Variants in DENND5B observed in about 807,000 individuals in gnomAD.
DENND5B encodes DENN domain containing 5B.
In DENND5B, 34 loss-of-function variants were observed where a neutral mutation model predicts 140.6. The observed-to-expected ratio is 0.24, with a 90% confidence interval of 0.18 to 0.32. The LOEUF (loss-of-function observed/expected upper bound fraction) is 0.32, where lower values mean the gene tolerates loss of function less well. Ranked by LOEUF, DENND5B falls within the 10% of genes least tolerant of loss-of-function variation. The probability of loss-of-function intolerance (pLI) is 1.00; values close to 1 mark genes in which losing one functional copy is unlikely to be tolerated. For synonymous variants in DENND5B, 551 were observed against 562.1 expected (o/e 0.98, Z 0.28); for missense variants, 1,142 against 1,560.2 (o/e 0.73, Z 4.52).
intron 1 of DENND5B, among the ~76,000 whole-genome samples, chr12:31,531,767 C>A (rs928120769): frequency 1.3e-5 from 2 of 152,180 alleles, no homozygotes; most frequent in African/African-American, 4.8e-5. Context: ...GACCCTGCAA[C>A]TTCCTTGATC....
At chr12:31,545,900 A>G (rs1180373199) in intron 1 of DENND5B, among the ~76,000 whole-genome samples, 1 of 145,958 alleles carries the variant, frequency 6.9e-6, no homozygotes, top group Non-Finnish European at 1.5e-5. Flanking sequence ...GCAGTGAGTC[A>G]GGATCACAAC....
At chr12:31,475,584 C>G (rs552513600) in intron 3 of DENND5B, among the ~76,000 whole-genome samples, 2 of 151,956 alleles carry the variant, frequency 1.3e-5, no homozygotes, top group Admixed American at 1.3e-4. Flanking sequence ...TTCATCTCCA[C>G]TAAAAATAAA....
intron 1 of DENND5B, among the ~76,000 whole-genome samples, chr12:31,576,303 A>G (rs923226282): frequency 6.6e-6 from 1 of 151,484 alleles, no homozygotes; most frequent in Non-Finnish European, 1.5e-5. Context: ...AAATACAAAA[A>G]TTAGCCAAGC....
At chr12:31,539,661 C>T (rs967878151) in intron 1 of DENND5B, among the ~76,000 whole-genome samples, 11 of 152,000 alleles carry the variant, frequency 7.2e-5, no homozygotes, top group African/African-American at 2.7e-4. Context: ...GCTTAAAAAG[C>T]ACTTGATAAC....
chr12:31,583,845 A>G (rs1950300406), intron 1 of DENND5B, among the ~76,000 whole-genome samples: 1 of 152,216 alleles, frequency 6.6e-6, no homozygotes, highest in African/African-American at 2.4e-5. Flanking sequence ...AATCTGACAC[A>G]CTGTAAGCAT....
Position 31,450,021 on chromosome 12 carries a change from G to A in DENND5B, c.1629+1919C>T, listed in dbSNP as rs1250668128. Among the ~76,000 whole-genome samples, 7 of 152,288 alleles carry A rather than the reference G, an allele frequency of 4.6e-5. No homozygotes were observed. The East Asian group carries it at 1.4e-3, about 29-fold the overall frequency. ...GTTGGGATTACAGGCGTGAGCCACT[G>A]TGCCCAGCCCACAGATTAGTTCTAA... On this transcript the variant is annotated intron_variant, in intron 5 of 20. Coordinates refer to ENST00000389082, the MANE Select transcript of DENND5B (RefSeq NM_144973.4).
chr12:31,486,999 A>T (rs1946333925), intron 2 of DENND5B, among the ~76,000 whole-genome samples: 1 of 152,210 alleles, frequency 6.6e-6, no homozygotes, highest in South Asian at 2.1e-4. Flanking sequence ...ATAACTTTAA[A>T]CATTCAAGGG....
intron 14 of DENND5B, among the ~76,000 whole-genome samples, chr12:31,404,507 G>A (rs1425909877): frequency 6.6e-6 from 1 of 152,190 alleles, no homozygotes; most frequent in African/African-American, 2.4e-5. Context: ...AGGCTGGAGT[G>A]TAGTGGCACA....
intron 1 of DENND5B, among the ~76,000 whole-genome samples, chr12:31,552,582 A>T (rs1022277377): frequency 2.6e-5 from 4 of 152,196 alleles, no homozygotes; most frequent in African/African-American, 7.2e-5. Flanking sequence ...CCTCATAAAA[A>T]GAGTTAGGGA....
At chr12:31,399,150 G>C (rs111876786) in intron 16 of DENND5B, among the ~76,000 whole-genome samples, 1 of 68,422 alleles carries the variant, frequency 1.5e-5, no homozygotes, top group Admixed American at 1.4e-4. Flanking sequence ...AAAAAAGAGA[G>C]AGAAAGAAAA....
intron 2 of DENND5B, among the ~76,000 whole-genome samples, chr12:31,492,705 T>G (rs1483369664): frequency 1.3e-5 from 2 of 152,256 alleles, no homozygotes; most frequent in Non-Finnish European, 2.9e-5. Context: ...TGCCTTTCTA[T>G]TAATTTGCTG....
In DENND5B at chr12:31,436,541, C is replaced by CT. The variant is rs979409149; in HGVS notation, c.2013-3294dup. Among the ~76,000 whole-genome samples, 276 of 151,180 alleles carry CT rather than the reference C, an allele frequency of 1.8e-3. 3 individuals are homozygous for CT. The highest frequency in any genetic ancestry group is 6.1e-3 in the African/African-American group (251 of 41,212). On this transcript the variant is annotated intron_variant, in intron 7 of 20. Transcript: ENST00000389082. The stretch of plus-strand genomic sequence containing the variant: ...TCTACTTTTAAGCTCCTGCAATTTT[C>CT]TTTTTTTTTGGAGATAGAGTTTTGC...
At chr12:31,544,235 TA>T (rs1948777508) in intron 1 of DENND5B, among the ~76,000 whole-genome samples, 1 of 149,854 alleles carries the variant, frequency 6.7e-6, no homozygotes, top group Admixed American at 6.6e-5. Context: ...TTTTAAAAGT[TA>T]ATTCATAAAA....
chr12:31,424,745 G>T, intron 9 of DENND5B, 58 bp from the exon 10 acceptor site: 1 of 1,577,448 alleles, frequency 6.3e-7, no homozygotes, highest in African/African-American at 1.4e-5. Context: ...AAACCAACAA[G>T]TCAATTACTA....
At chr12:31,589,116 T>C (rs1251533135) in intron 1 of DENND5B, among the ~76,000 whole-genome samples, 1 of 152,198 alleles carries the variant, frequency 6.6e-6, no homozygotes, top group Non-Finnish European at 1.5e-5. Context: ...TACAGGCTTT[T>C]TTCCTTTCAT....
rs1407879594 is a variant in DENND5B, at chr12:31,382,831, C to A, written c.*4772G>T. On this transcript the variant is annotated 3_prime_UTR_variant, in exon 21 of 21. Coordinates refer to ENST00000389082, the MANE Select transcript of DENND5B (RefSeq NM_144973.4). ...TTGGAGAGGAGGTTCTCCTTAGATT[C>A]TTTTGATCACACTACATCAGCAACC... 1 of 151,728 alleles carries A rather than the reference C, an allele frequency of 6.6e-6. No individual in the cohort carries two copies. Among genetic ancestry groups the A allele is most frequent in the Admixed American group, 6.6e-5 (1 of 15,214 alleles). 9.4% of individuals were successfully genotyped at this position (151,728 alleles called of 1,614,324 possible).
chr12:31,470,050 G>A (rs1156529206), intron 3 of DENND5B, among the ~76,000 whole-genome samples: 3 of 151,346 alleles, frequency 2.0e-5, no homozygotes, highest in Non-Finnish European at 4.4e-5. Flanking sequence ...CTGGGCTCAG[G>A]TGATCCTCGA....
intron 1 of DENND5B, among the ~76,000 whole-genome samples, chr12:31,502,833 C>T (rs895121626): frequency 1.8e-4 from 28 of 152,176 alleles, no homozygotes; most frequent in African/African-American, 2.7e-4. Flanking sequence ...GCTGAGAAAG[C>T]TGCCTACAGA....
chr12:31,415,459 A>G lies in DENND5B; in HGVS notation c.2471-11T>C. 1.3e-6 allele frequency: 2 copies of G among 1,577,242 alleles called. No individual in the cohort carries two copies. The highest frequency in any genetic ancestry group is 1.7e-6 in the Non-Finnish European group (2 of 1,157,782). On this transcript the variant is annotated splice_polypyrimidine_tract_variant and intron_variant, in intron 11 of 20. Coordinates refer to ENST00000389082, the MANE Select transcript of DENND5B (RefSeq NM_144973.4). Reference sequence around the variant, plus strand: ...CTGGTCCGAGGGCAACTATGTAGAAAAATATCAACAAAATATTAGAAAAGT... The same window carrying G: ...CTGGTCCGAGGGCAACTATGTAGAAGAATATCAACAAAATATTAGAAAAGT...
Sources: gnomAD v4.1 joint callset for allele counts (sites outside exome capture counted in the v4.1 genomes callset) on GRCh38, gnomAD v4.1.1 for gene constraint, MANE v1.5 for transcripts, NCBI Gene and HGNC (gene_info 2026-07-23, HGNC 2026-07-21) for gene names.